The following ZNF804A variants were observed in gnomAD, a reference collection of about 807,000 sequenced individuals.
ZNF804A encodes the protein zinc finger protein 804A.
In ZNF804A, 2 loss-of-function variants were observed where a neutral mutation model predicts 16.5. The ratio of observed to expected loss-of-function variants is 0.12; its 90% CI spans 0.05 to 0.38. ZNF804A has a LOEUF of 0.38. ZNF804A is among the 10% of genes least tolerant of loss of function. ZNF804A has a pLI of 0.99. For synonymous variants in ZNF804A, 534 were observed against 489.6 expected (o/e 1.09, Z -1.20); for missense variants, 1,473 against 1,390.7 (o/e 1.06, Z -0.94).
At chr2:184,625,522 AT>A (rs1214588632) in intron 1 of ZNF804A, among the ~76,000 whole-genome samples, 34 of 152,270 alleles carry the variant, frequency 2.2e-4, no homozygotes, top group African/African-American at 7.9e-4. Flanking sequence ...TATAAATAAA[AT>A]TGCTATTTAT....
chr2:184,868,815 A>C (rs964527140), intron 2 of ZNF804A, among the ~76,000 whole-genome samples: 1 of 152,028 alleles, frequency 6.6e-6, no homozygotes, highest in Admixed American at 6.6e-5. Context: ...AGACAAAGCA[A>C]ATGAGCAAAT....
chr2:184,821,026 A>G (rs1695070623), intron 1 of ZNF804A, among the ~76,000 whole-genome samples: 1 of 152,142 alleles, frequency 6.6e-6, no homozygotes. Context: ...TATTTGTATT[A>G]AATTATCATT....
At chr2:184,807,910 T>C (rs745927285) in intron 1 of ZNF804A, among the ~76,000 whole-genome samples, 47 of 151,724 alleles carry the variant, frequency 3.1e-4, no homozygotes, top group Admixed American at 6.6e-4. Flanking sequence ...TATCCAATAT[T>C]CTATTTAGAA....
intron 1 of ZNF804A, among the ~76,000 whole-genome samples, chr2:184,828,476 C>T (rs1384049991): frequency 6.6e-6 from 1 of 151,512 alleles, no homozygotes; most frequent in African/African-American, 2.4e-5. Context: ...ATACAAAGAG[C>T]TCTTTGTTTA....
chr2:184,742,733 TA>T (rs1195263522), intron 1 of ZNF804A, among the ~76,000 whole-genome samples: 2 of 151,186 alleles, frequency 1.3e-5, no homozygotes, highest in African/African-American at 2.4e-5. Flanking sequence ...GATAAATAAA[TA>T]TATATATATA....
chr2:184,847,296 T>C (rs1695534882), intron 1 of ZNF804A, among the ~76,000 whole-genome samples: 1 of 152,106 alleles, frequency 6.6e-6, no homozygotes, highest in Admixed American at 6.6e-5. Flanking sequence ...TTAAAGACCT[T>C]ACATCTAAAT....
chr2:184,885,638 A>T (rs1684876691), intron 2 of ZNF804A, among the ~76,000 whole-genome samples: 1 of 152,134 alleles, frequency 6.6e-6, no homozygotes, highest in African/African-American at 2.4e-5. Flanking sequence ...TTGGACTTAT[A>T]GTTCTGTACG....
chr2:184,801,840 T>C (rs114296883), intron 1 of ZNF804A, among the ~76,000 whole-genome samples: 82 of 151,658 alleles, frequency 5.4e-4, no homozygotes, highest in African/African-American at 1.9e-3. Flanking sequence ...TGCCTTTTTG[T>C]CTGCATTGTA....
chr2:184,630,965 G>T (rs1163440882), intron 1 of ZNF804A, among the ~76,000 whole-genome samples: 1 of 152,064 alleles, frequency 6.6e-6, no homozygotes, highest in Non-Finnish European at 1.5e-5. Flanking sequence ...TAATAAATAT[G>T]TAGCACAAAG....
At chr2:184,742,689 G>C (rs1202778819) in intron 1 of ZNF804A, among the ~76,000 whole-genome samples, 1 of 150,936 alleles carries the variant, frequency 6.6e-6, no homozygotes. Flanking sequence ...CACCTATTAG[G>C]TTCTAGGATT....
intron 1 of ZNF804A, among the ~76,000 whole-genome samples, chr2:184,685,930 C>T (rs571961926): frequency 3.3e-5 from 5 of 152,380 alleles, no homozygotes; most frequent in South Asian, 2.1e-4. Context: ...CCAAGCTGCC[C>T]TCAGCCTCTG....
At chr2:184,749,210 A>T (rs903542074) in intron 1 of ZNF804A, among the ~76,000 whole-genome samples, 9 of 151,508 alleles carry the variant, frequency 5.9e-5, no homozygotes, top group African/African-American at 1.7e-4. Flanking sequence ...ATCCATGAAA[A>T]TGGGATGTTT....
intron 1 of ZNF804A, among the ~76,000 whole-genome samples, chr2:184,638,817 T>C (rs541519829): frequency 1.3e-5 from 2 of 152,310 alleles, no homozygotes; most frequent in South Asian, 2.1e-4. Context: ...ATGCTTACCA[T>C]ACACCATTCG....
intron 1 of ZNF804A, among the ~76,000 whole-genome samples, chr2:184,736,719 G>GA (rs1693619853): frequency 1.3e-5 from 2 of 151,912 alleles, no homozygotes; most frequent in African/African-American, 4.8e-5. Flanking sequence ...AAAGAAAAAG[G>GA]AAAAAAGAAA....
chr2:184,858,860 C>G (rs1275733367), intron 1 of ZNF804A, among the ~76,000 whole-genome samples: 1 of 152,238 alleles, frequency 6.6e-6, no homozygotes, highest in Middle Eastern at 3.4e-3. Flanking sequence ...GATAAGTTAA[C>G]CCCTCAGCTT....
At chr2:184,652,385 A>G (rs1053699125) in intron 1 of ZNF804A, among the ~76,000 whole-genome samples, 5 of 152,122 alleles carry the variant, frequency 3.3e-5, no homozygotes, top group African/African-American at 1.2e-4. Flanking sequence ...AACCTCAGCA[A>G]TGTACCTAGG....
chr2:184,824,173 G>A (rs1056934367), intron 1 of ZNF804A, among the ~76,000 whole-genome samples: 1 of 152,030 alleles, frequency 6.6e-6, no homozygotes, highest in Non-Finnish European at 1.5e-5. Flanking sequence ...GACACAGCTG[G>A]TTATGTTCAA....
intron 1 of ZNF804A, among the ~76,000 whole-genome samples, chr2:184,694,796 T>C (rs925897236): frequency 6.6e-6 from 1 of 152,220 alleles, no homozygotes; most frequent in African/African-American, 2.4e-5. Context: ...CCTTATTTTA[T>C]CTGACAATCT....
chr2:184,756,573 G>A (rs1693961845), intron 1 of ZNF804A, among the ~76,000 whole-genome samples: 1 of 151,894 alleles, frequency 6.6e-6, no homozygotes, highest in South Asian at 2.1e-4. Context: ...ATGATTCAAA[G>A]ATTTTTCTAT....
Sources: allele counts gnomAD v4.1 joint callset (sites outside exome capture counted in the v4.1 genomes callset), GRCh38; gene constraint gnomAD v4.1.1; transcripts MANE v1.5; gene names NCBI Gene and HGNC (gene_info 2026-07-23, HGNC 2026-07-21).